SPG7: variants seen among roughly 807,000 people sequenced by gnomAD.
The protein encoded by SPG7 is SPG7 matrix AAA peptidase subunit, paraplegin.
SPG7 carries 103 observed loss-of-function variants against 81.9 expected under a neutral mutation model. The ratio of observed to expected loss-of-function variants is 1.26; its 90% CI spans 1.07 to 1.48. The LOEUF (loss-of-function observed/expected upper bound fraction) is 1.48. SPG7 is among the 40% of genes most tolerant of loss of function. The pLI is 0.00. For missense variants in SPG7, 1,241 were observed against 1,087.3 expected (o/e 1.14, Z -1.99); for synonymous variants, 534 against 444.2 (o/e 1.20, Z -2.54).
chr16:89,508,627 A>C (rs2057964680), intron 1 of SPG7, 27 bp downstream of exon 1: 3 of 1,432,888 alleles, frequency 2.1e-6, no homozygotes, highest in East Asian at 5.5e-5. Context: ...TCCGGGCCCC[A>C]CCTCCCGCCC....
rs757333854 is a variant in SPG7 at position 89,529,584 on chromosome 16, G to A, written c.861+5G>A. ...GAAGGTGGATTCAGTGCTTTTGTAA[G>A]TTCTGTAAATCAGAGCTCTCTGAAC... is the stretch of plus-strand genomic sequence containing the variant. On this transcript the variant is annotated splice_donor_5th_base_variant and intron_variant, in intron 6 of 16. Coordinates refer to ENST00000645818, the MANE Select transcript of SPG7 (RefSeq NM_003119.4). The A allele has an allele frequency of 2.0e-5, 32 of 1,600,762 alleles. No individual in the cohort carries two copies. Among genetic ancestry groups the A allele is most frequent in the Non-Finnish European group, 2.7e-5 (31 of 1,168,210 alleles).
intron 12 of SPG7, chr16:89,548,911 A>T (rs1354779383): frequency 2.2e-5 from 10 of 453,364 alleles, no homozygotes; most frequent in Admixed American, 2.1e-4. Flanking sequence ...TTTGCGAGCT[A>T]TCCCTGCGAG....
intron 9 of SPG7, chr16:89,537,658 G>C: frequency 3.1e-6 from 3 of 953,022 alleles, no homozygotes; most frequent in Non-Finnish European, 3.7e-6. Context: ...GGGACTCAAG[G>C]CTTGAGTCAC....
intron 16 of SPG7, 68 bp from the exon 17 acceptor site, chr16:89,556,819 C>T (rs2058691173): frequency 7.7e-7 from 1 of 1,295,006 alleles, no homozygotes; most frequent in Non-Finnish European, 1.1e-6. Flanking sequence ...CTCTTGCCAC[C>T]TCCCCAGGAC....
In SPG7 at chr16:89,510,100, G is replaced by A. The variant is rs554622307; in HGVS notation, c.184-390G>A. On this transcript the variant is annotated intron_variant, in intron 1 of 16. Transcript: ENST00000645818. ...AGCGATTCTCCTGCCTCAGCTTCCT[G>A]AGTAGCTGAGATTACAGGTGTGCAC... Among the ~76,000 whole-genome samples the A allele has an allele frequency of 1.1e-3, 166 of 152,008 alleles. 1 individual carries two copies. The highest frequency in any genetic ancestry group is 0.01 in the Middle Eastern group (3 of 294).
chr16:89,531,665 C>T (rs546957171), intron 7 of SPG7: 2 of 546,488 alleles, frequency 3.7e-6, no homozygotes, highest in Admixed American at 3.0e-5. Flanking sequence ...TGAGCCACCG[C>T]ACCTGGCCTG....
chr16:89,551,844 C>G (rs1456975286), intron 13 of SPG7: 3 of 152,122 alleles, frequency 2.0e-5, no homozygotes, highest in Admixed American at 1.3e-4. Context: ...TGAGCCAAGA[C>G]TGTGCCACTG....
intron 12 of SPG7, chr16:89,549,452 A>G: frequency 2.8e-6 from 1 of 360,172 alleles, no homozygotes; most frequent in Non-Finnish European, 5.5e-6. Flanking sequence ...TGAGGCCAGG[A>G]GTTTGAGACC....
At chr16:89,527,015 G>A (rs926178275) in intron 5 of SPG7, 8 of 239,842 alleles carry the variant, frequency 3.3e-5, no homozygotes, top group African/African-American at 1.2e-4. Flanking sequence ...GTAAAATGCC[G>A]AAATCTTTGT....
At chr16:89,536,720 C>T (rs775653732) in intron 9 of SPG7, 2 of 1,611,218 alleles carry the variant, frequency 1.2e-6, no homozygotes, top group South Asian at 1.1e-5. Context: ...GGCGTGGACA[C>T]CAAGGTCTTC....
rs999003825 is a variant in SPG7 at position 89,530,985 on chromosome 16, C to G, written c.987+177C>G. On this transcript the variant is annotated intron_variant, in intron 7 of 16. Transcript: ENST00000645818. ...GCTGGTGCCTGTTCAACCAGCAGCA[C>G]AAGCCTCGTGCACATGGTTCAGCCA... The G allele has an allele frequency of 3.7e-6, 3 of 805,534 alleles. No individual in the cohort carries two copies. In the African/African-American group the frequency reaches 5.1e-5, roughly 14 times the overall value. The allele number at this position is 805,534 out of a possible 1,614,324, so 49.9% of individuals were successfully genotyped here.
chr16:89,527,975 C>T (rs762815321), intron 5 of SPG7, among the ~76,000 whole-genome samples: 17 of 151,922 alleles, frequency 1.1e-4, no homozygotes, highest in Non-Finnish European at 1.9e-4. Flanking sequence ...AACCCAGCAA[C>T]ACCTGGAAGA....
intron 3 of SPG7, chr16:89,522,233 T>C (rs913250317): frequency 3.3e-5 from 5 of 152,246 alleles, no homozygotes; most frequent in African/African-American, 1.2e-4. Context: ...TTTTGCCACC[T>C]TTTTAGTGGG....
intron 9 of SPG7, chr16:89,537,293 G>C: frequency 7.6e-7 from 1 of 1,307,254 alleles, no homozygotes; most frequent in African/African-American, 1.5e-5. Flanking sequence ...GAGCCCCCGG[G>C]AAGGGCGCAA....
chr16:89,535,382 C>G (rs763856864), intron 9 of SPG7, among the ~76,000 whole-genome samples: 1 of 152,164 alleles, frequency 6.6e-6, no homozygotes, highest in Non-Finnish European at 1.5e-5. Context: ...TCTGAAAGCT[C>G]TGAGGTTAGA....
In SPG7 at chr16:89,508,494, G is replaced by C; in HGVS notation, c.77G>C (p.Gly26Ala). 1 of 1,511,146 alleles carries C rather than the reference G, an allele frequency of 6.6e-7. No homozygotes were observed. Among genetic ancestry groups the C allele is most frequent in the Middle Eastern group, 2.3e-4 (1 of 4,314 alleles). 93.6% of individuals were successfully genotyped at this position (1,511,146 alleles called of 1,614,324 possible). A position where few individuals can be genotyped will look rare whatever the true frequency, so the allele number is the denominator to read the frequency against. ...GGTCCTCGGCCGCTGTGGGGCCCAG[G>C]CCCGGCCTGGAGTCCAGGGTTCCCC... is the stretch of plus-strand genomic sequence containing the variant. ...GPGPRPLWGP[G>A]PAWSPGFPAR... The change falls in exon 1 of 17, where the codon GGC becomes GCC. Residue 26 changes from glycine to alanine, a missense_variant. Physicochemically the swap from Gly to Ala is moderately conservative, Grantham distance 60 (BLOSUM62 0). Coordinates refer to ENST00000645818, the MANE Select transcript of SPG7 (RefSeq NM_003119.4).
At chr16:89,512,787 T>C (rs770705727) in intron 2 of SPG7, among the ~76,000 whole-genome samples, 161 bp from the exon 3 acceptor site, 11 of 152,268 alleles carry the variant, frequency 7.2e-5, no homozygotes, top group African/African-American at 1.4e-4. Flanking sequence ...CTAAGTGATA[T>C]AGGATATGCT....
At chr16:89,538,222 TG>T (rs977223065) in intron 9 of SPG7, 9 of 152,152 alleles carry the variant, frequency 5.9e-5, no homozygotes, top group Admixed American at 5.2e-4. Flanking sequence ...GGGCGTCTCG[TG>T]CTGTCCTGGT....
intron 11 of SPG7, chr16:89,547,349 G>C (rs2058576485): frequency 5.5e-6 from 1 of 180,790 alleles, no homozygotes; most frequent in East Asian, 1.4e-4. Context: ...GCCACAAGAT[G>C]GGGTGTGGAA....
Sources: allele counts gnomAD v4.1 joint callset (sites outside exome capture counted in the v4.1 genomes callset), GRCh38; gene constraint gnomAD v4.1.1; transcripts MANE v1.5; gene names NCBI Gene and HGNC (gene_info 2026-07-23, HGNC 2026-07-21).